OLA1: variants seen among roughly 807,000 people sequenced by gnomAD.
The protein encoded by OLA1 is obg-like ATPase 1.
A neutral mutation model predicts 48.4 loss-of-function variants in OLA1; 14 were observed. That is an observed-to-expected ratio of 0.29 (90% CI 0.19 to 0.45). The LOEUF (loss-of-function observed/expected upper bound fraction) is 0.45, where lower values mean the gene tolerates loss of function less well. OLA1 is among the 20% of genes least tolerant of loss of function. The pLI is 1.00. For synonymous variants in OLA1, 127 were observed against 150.4 expected (o/e 0.84, Z 1.14); for missense variants, 325 against 467.1 (o/e 0.70, Z 2.80).
chr2:174,235,444 C>G (rs1431233698), intron 2 of OLA1, among the ~76,000 whole-genome samples: 1 of 152,162 alleles, frequency 6.6e-6, no homozygotes, highest in South Asian at 2.1e-4. Flanking sequence ...AACTGCCCTC[C>G]TGCTACAAAG....
At chr2:174,246,363 C>G (rs112197553) in intron 2 of OLA1, among the ~76,000 whole-genome samples, 12 of 151,978 alleles carry the variant, frequency 7.9e-5, no homozygotes, top group African/African-American at 2.7e-4. Context: ...TCAGAACTTT[C>G]AGATTTAGAC....
At chr2:174,086,859 G>A (rs1007068655) in intron 7 of OLA1, among the ~76,000 whole-genome samples, 3 of 152,076 alleles carry the variant, frequency 2.0e-5, no homozygotes, top group Admixed American at 6.6e-5. Flanking sequence ...GAACTGAAAC[G>A]GCAGAAAGCA....
intron 5 of OLA1, among the ~76,000 whole-genome samples, chr2:174,130,772 C>CA (rs1686162241): frequency 6.6e-6 from 1 of 151,812 alleles, no homozygotes; most frequent in Non-Finnish European, 1.5e-5. Context: ...GACTGAGAAA[C>CA]AAAAAAACCT....
At chr2:174,146,873 A>G (rs1686613471) in intron 4 of OLA1, among the ~76,000 whole-genome samples, 1 of 152,160 alleles carries the variant, frequency 6.6e-6, no homozygotes, top group South Asian at 2.1e-4. Context: ...AAAGTAAGAA[A>G]CCCTAAGATT....
At chr2:174,215,694 C>T (rs1337801785) in intron 4 of OLA1, among the ~76,000 whole-genome samples, 1 of 152,132 alleles carries the variant, frequency 6.6e-6, no homozygotes, top group Non-Finnish European at 1.5e-5. Flanking sequence ...GACACACTTA[C>T]AGACCATACA....
At chr2:174,179,800 G>A (rs995847793) in intron 4 of OLA1, among the ~76,000 whole-genome samples, 21 of 152,040 alleles carry the variant, frequency 1.4e-4, no homozygotes, top group Non-Finnish European at 2.8e-4. Flanking sequence ...TCAATTATTA[G>A]ACAGTAGTGA....
intron 3 of OLA1, among the ~76,000 whole-genome samples, chr2:174,229,059 T>C (rs958680259): frequency 6.6e-6 from 1 of 152,116 alleles, no homozygotes; most frequent in Non-Finnish European, 1.5e-5. Flanking sequence ...GTATTTTTAG[T>C]AGACAGTGGT....
intron 4 of OLA1, among the ~76,000 whole-genome samples, chr2:174,188,564 G>A (rs1360581688): frequency 6.6e-6 from 1 of 152,040 alleles, no homozygotes; most frequent in Non-Finnish European, 1.5e-5. Context: ...TTAATGACAT[G>A]TTATATTTAC....
intron 4 of OLA1, among the ~76,000 whole-genome samples, chr2:174,194,484 C>T (rs1020188240): frequency 1.3e-5 from 2 of 152,020 alleles, no homozygotes; most frequent in East Asian, 3.9e-4. Context: ...TTTTTCATTG[C>T]GAGGGTGGGA....
In OLA1 at chr2:174,074,456, C is replaced by CT. The variant is rs1684678695; in HGVS notation, c.*969dup. 6.7e-6 allele frequency: 1 copy of CT among 148,822 alleles called. No homozygotes were observed. The highest frequency in any genetic ancestry group is 2.2e-4 in the South Asian group (1 of 4,640). 9.2% of individuals were successfully genotyped at this position (148,822 alleles called of 1,614,324 possible). A position where few individuals can be genotyped will look rare whatever the true frequency, so the allele number is the denominator to read the frequency against. ...AGTGCTTAACTTACCCATACTACCA[C>CT]TTCGACTGCTCTCAAATATCTGAAA... On this transcript the variant is annotated 3_prime_UTR_variant, in exon 11 of 11. Transcript: ENST00000284719.
At chr2:174,225,719 T>A (rs1221165279) in intron 3 of OLA1, among the ~76,000 whole-genome samples, 1 of 152,294 alleles carries the variant, frequency 6.6e-6, no homozygotes. Context: ...GTACAGTAAG[T>A]AGCATGCATT....
intron 6 of OLA1, 39 bp downstream of exon 6, chr2:174,123,556 G>T: frequency 2.5e-6 from 3 of 1,215,566 alleles, no homozygotes; most frequent in Non-Finnish European, 2.4e-6. Flanking sequence ...GCAAATGAAA[G>T]CAAAGGCAGT....
chr2:174,247,968 T>C, intron 1 of OLA1: 1 of 664,350 alleles, frequency 1.5e-6, no homozygotes. Context: ...TGGCTGAGAG[T>C]TGTACCTCCT....
chr2:174,138,334 G>C (rs1384882285), intron 5 of OLA1, among the ~76,000 whole-genome samples: 1 of 152,178 alleles, frequency 6.6e-6, no homozygotes, highest in Admixed American at 6.5e-5. Context: ...GACAACCCGG[G>C]AGAGGGAGAA....
At chr2:174,144,951 A>AAAAAAATAT (rs1181030817) in intron 4 of OLA1, among the ~76,000 whole-genome samples, 3 of 40,296 alleles carry the variant, frequency 7.4e-5, no homozygotes, top group Non-Finnish European at 8.0e-5. Flanking sequence ...AAAAAAAAAA[A>AAAAAAATAT]ATATATATAT....
chr2:174,127,163 T>C (rs1307271862), intron 5 of OLA1, among the ~76,000 whole-genome samples: 1 of 152,236 alleles, frequency 6.6e-6, no homozygotes, highest in Non-Finnish European at 1.5e-5. Flanking sequence ...CACAGCTTCA[T>C]GTGTGACTTG....
At chr2:174,141,682 C>G in intron 5 of OLA1, 143 bp downstream of exon 5, 1 of 705,438 alleles carries the variant, frequency 1.4e-6, no homozygotes, top group Non-Finnish European at 2.2e-6. Flanking sequence ...AATAAAGTTC[C>G]TTAACAATTT....
At chr2:174,165,676 G>A (rs536342996) in intron 4 of OLA1, among the ~76,000 whole-genome samples, 8 of 152,172 alleles carry the variant, frequency 5.3e-5, no homozygotes, top group African/African-American at 1.4e-4. Context: ...ATGTTTAAGC[G>A]CTTATCATAT....
chr2:174,083,587 T>TA lies in OLA1; in HGVS notation c.729-1524dup, dbSNP rs535991766. Among the ~76,000 whole-genome samples the TA allele has an allele frequency of 4.9e-3, 748 of 151,818 alleles. 10 individuals carry two copies. The Middle Eastern group carries it at 0.058, about 12-fold the overall frequency. On this transcript the variant is annotated intron_variant, in intron 7 of 10. Transcript: ENST00000284719. The stretch of plus-strand genomic sequence containing the variant: ...TTAACCAAAATTAAGAAGGACAGGT[T>TA]AAAAAAAAGGTGGGGGGACTGAAAT...
Sources: gnomAD v4.1 joint callset for allele counts (sites outside exome capture counted in the v4.1 genomes callset) on GRCh38, gnomAD v4.1.1 for gene constraint, MANE v1.5 for transcripts, NCBI Gene and HGNC (gene_info 2026-07-23, HGNC 2026-07-21) for gene names.